TSNARE1: variants seen among roughly 807,000 people sequenced by gnomAD.
TSNARE1 encodes t-SNARE domain containing 1.
Under a neutral mutation model 62.0 loss-of-function variants are expected in TSNARE1, and 49 were observed. The ratio of observed to expected loss-of-function variants is 0.79; its 90% CI spans 0.63 to 1.00. The LOEUF (loss-of-function observed/expected upper bound fraction) is 1.00. TSNARE1 is among the 50% of genes least tolerant of loss of function. TSNARE1 has a pLI of 0.00. For missense variants in TSNARE1, 755 were observed against 700.1 expected (o/e 1.08, Z -0.88); for synonymous variants, 328 against 294.4 (o/e 1.11, Z -1.17).
At chr8:142,340,203 G>A (rs537093827) in intron 4 of TSNARE1, among the ~76,000 whole-genome samples, 13 of 152,342 alleles carry the variant, frequency 8.5e-5, no homozygotes, top group African/African-American at 2.4e-4. Flanking sequence ...AAAAGAACAC[G>A]GGGCCACATA....
chr8:142,276,603 C>T (rs1057495543), intron 11 of TSNARE1: 2 of 985,406 alleles, frequency 2.0e-6, no homozygotes, highest in Non-Finnish European at 2.4e-6. Flanking sequence ...AGGCCATGTG[C>T]CCTGGCTGGA....
At chr8:142,322,651 G>A (rs1249665418) in intron 6 of TSNARE1, among the ~76,000 whole-genome samples, 3 of 152,246 alleles carry the variant, frequency 2.0e-5, no homozygotes. Flanking sequence ...ACACAAATAA[G>A]AGAAAGGCCA....
At chr8:142,393,240 C>CA (rs1491545249) in intron 1 of TSNARE1, among the ~76,000 whole-genome samples, 4 of 152,212 alleles carry the variant, frequency 2.6e-5, no homozygotes, top group African/African-American at 7.2e-5. Context: ...AATCCCCGGC[C>CA]ACACACTGCA....
chr8:142,382,794 G>T (rs1836863026), intron 1 of TSNARE1, among the ~76,000 whole-genome samples: 1 of 152,266 alleles, frequency 6.6e-6, no homozygotes, highest in African/African-American at 2.4e-5. Context: ...CGTCACTTCA[G>T]TGAGCTCCCA....
intron 4 of TSNARE1, among the ~76,000 whole-genome samples, chr8:142,333,200 G>A (rs1048927632): frequency 1.3e-5 from 2 of 152,166 alleles, no homozygotes; most frequent in African/African-American, 2.4e-5. Context: ...ACACTTAGGA[G>A]CTGTGCAGTT....
chr8:142,247,699 G>C (rs531741814), intron 12 of TSNARE1: 1 of 152,238 alleles, frequency 6.6e-6, no homozygotes, highest in African/African-American at 2.4e-5. Flanking sequence ...ACCTGGGCTG[G>C]TTCATCCCGC....
chr8:142,345,882 T>C lies in TSNARE1; in HGVS notation c.99A>G (p.Arg33=). The change falls in exon 3 of 14, where the codon AGA becomes AGG. Residue 33 remains arginine (R), a synonymous_variant. Coordinates refer to ENST00000524325, the MANE Select transcript of TSNARE1 (RefSeq NM_145003.5). Reference sequence around the variant, plus strand: ...GGCGGATTCCATACTCGGTCCAACATCTAGCGCACTCTACGGACAGCAAGG... The same window carrying C: ...GGCGGATTCCATACTCGGTCCAACACCTAGCGCACTCTACGGACAGCAAGG... ...RQGCQPLECA[R]CWTEYGIRHF... 6 of 1,613,540 alleles carry C rather than the reference T, an allele frequency of 3.7e-6. No individual in the cohort carries two copies. The highest frequency in any genetic ancestry group is 5.1e-6 in the Non-Finnish European group (6 of 1,179,732).
Position 142,338,540 on chromosome 8 carries a change from T to C in TSNARE1, c.745+5426A>G, listed in dbSNP as rs548252581. 1.4e-3 allele frequency among the ~76,000 whole-genome samples: 213 copies of C among 151,582 alleles called. 1 individual carries two copies. The highest frequency in any genetic ancestry group is 4.0e-4 in the Non-Finnish European group (27 of 67,810). On this transcript the variant is annotated intron_variant, in intron 4 of 13. Coordinates refer to ENST00000524325, the MANE Select transcript of TSNARE1 (RefSeq NM_145003.5). ...CCACTGGGCAAGCTGACAGGCTGCC[T>C]GGACCACTGGGCAAGCTGACAGGCT...
At chr8:142,217,770 GT>G (rs922421988) in intron 13 of TSNARE1, among the ~76,000 whole-genome samples, 5 of 151,304 alleles carry the variant, frequency 3.3e-5, no homozygotes, top group Non-Finnish European at 7.4e-5. Flanking sequence ...TCAGAGCTTA[GT>G]TTGTGACCAG....
At chr8:142,331,918 A>G in intron 4 of TSNARE1, 87 bp from the exon 5 acceptor site, 1 of 1,331,774 alleles carries the variant, frequency 7.5e-7, no homozygotes, top group Non-Finnish European at 1.1e-6. Context: ...GGCAGCCCCC[A>G]GGGGCAGGGA....
At chr8:142,276,207 G>A (rs1820457985) in intron 11 of TSNARE1, 6 of 985,462 alleles carry the variant, frequency 6.1e-6, no homozygotes, top group Non-Finnish European at 7.2e-6. Flanking sequence ...AGCGGGTATG[G>A]GTGACGGCCT....
chr8:142,304,072 G>A (rs1393453551), intron 9 of TSNARE1, among the ~76,000 whole-genome samples: 1 of 152,252 alleles, frequency 6.6e-6, no homozygotes. Context: ...CCTGACACGG[G>A]TAGAAGCTAG....
chr8:142,302,303 C>T (rs887520194), intron 9 of TSNARE1, among the ~76,000 whole-genome samples: 5 of 152,206 alleles, frequency 3.3e-5, no homozygotes, highest in African/African-American at 1.2e-4. Flanking sequence ...CCTGCCCAGG[C>T]AGGTGCTCTC....
intron 1 of TSNARE1, among the ~76,000 whole-genome samples, chr8:142,355,538 C>T (rs1439331465): frequency 1.3e-5 from 2 of 152,204 alleles, no homozygotes; most frequent in African/African-American, 4.8e-5. Flanking sequence ...TGGGCTGCAG[C>T]TCCAGGGACT....
intron 11 of TSNARE1, chr8:142,278,224 T>A (rs1358786421): frequency 3.5e-5 from 34 of 985,324 alleles, no homozygotes; most frequent in Non-Finnish European, 4.1e-5. Flanking sequence ...TGGCTGGGTC[T>A]ACATGCGTCT....
At chr8:142,353,753 A>AG (rs1834413001) in intron 2 of TSNARE1, among the ~76,000 whole-genome samples, 1 of 116,880 alleles carries the variant, frequency 8.6e-6, no homozygotes, top group African/African-American at 4.3e-5. Flanking sequence ...GCTGCAAGGG[A>AG]GGAACCACCC....
At chr8:142,395,665 C>T (rs1024055859) in intron 1 of TSNARE1, among the ~76,000 whole-genome samples, 10 of 152,236 alleles carry the variant, frequency 6.6e-5, no homozygotes, top group African/African-American at 2.4e-4. Flanking sequence ...CCAGGTACCA[C>T]GAAGCAGCAG....
At position 142,293,740 on chromosome 8, in the gene TSNARE1, C is replaced by G. The variant is rs141711226; in HGVS notation, c.1290+6746G>C. Among the ~76,000 whole-genome samples the G allele has an allele frequency of 6.2e-3, 937 of 152,322 alleles. 9 individuals are homozygous for G. The highest frequency in any genetic ancestry group is 8.9e-3 in the Non-Finnish European group (603 of 68,030). On this transcript the variant is annotated intron_variant, in intron 10 of 13. Transcript: ENST00000524325. ...ACCTCGGATCGAGGGTCATCTCCTGCTAACTGGGTGCTATTGGTGTTCAGA... is the reference window on the plus strand; with the variant it reads ...ACCTCGGATCGAGGGTCATCTCCTGGTAACTGGGTGCTATTGGTGTTCAGA...
chr8:142,365,845 G>T (rs1835511270), intron 1 of TSNARE1: 1 of 416,740 alleles, frequency 2.4e-6, no homozygotes, highest in Non-Finnish European at 4.7e-6. Context: ...AAAGGTGCAA[G>T]CACTGAAAAG....
Sources: gnomAD v4.1 joint callset for allele counts (sites outside exome capture counted in the v4.1 genomes callset) on GRCh38, gnomAD v4.1.1 for gene constraint, MANE v1.5 for transcripts, NCBI Gene and HGNC (gene_info 2026-07-23, HGNC 2026-07-21) for gene names.